Variants in POU2AF3 observed in about 807,000 individuals in gnomAD.
POU2AF3 encodes POU class 2 homeobox associating factor 3.
chr11:111,299,093 G>T, the POU2AF3 span: 1 of 976,882 alleles, frequency 1.0e-6, no homozygotes, highest in Non-Finnish European at 1.2e-6. Context: ...CGGCGCCTGG[G>T]CCCTGCGGGC....
chr11:111,305,024 C>G, the POU2AF3 span: 1 of 1,171,252 alleles, frequency 8.5e-7, no homozygotes, highest in Non-Finnish European at 1.1e-6. Context: ...AACACTCTTT[C>G]AAAAGTCCAT....
the POU2AF3 span, among the ~76,000 whole-genome samples, chr11:111,305,698 A>G: frequency 7.9e-5 from 12 of 152,174 alleles, no homozygotes; most frequent in African/African-American, 2.7e-4. Context: ...GGGCCTATTA[A>G]TAATAAAATG....
the POU2AF3 span, chr11:111,300,678 T>C: frequency 1.0e-6 from 1 of 954,300 alleles, no homozygotes; most frequent in Non-Finnish European, 1.4e-6. Flanking sequence ...TTCAAAGCTG[T>C]GTCTGCAAGG....
chr11:111,301,095 G>A, the POU2AF3 span, among the ~76,000 whole-genome samples: 1 of 152,126 alleles, frequency 6.6e-6, no homozygotes, highest in East Asian at 1.9e-4. Context: ...TCATTTATCT[G>A]TAAATCATCA....
chr11:111,306,734 A>C, the POU2AF3 span: 1 of 816,002 alleles, frequency 1.2e-6, no homozygotes, highest in Non-Finnish European at 1.9e-6. Flanking sequence ...TCAGCAAGGA[A>C]ATCATCCAAG....
At chr11:111,298,826 G>GCCGGGCGC in the POU2AF3 span, 1 of 790,962 alleles carries the variant, frequency 1.3e-6, no homozygotes, top group Non-Finnish European at 1.7e-6. Context: ...CGTACCCCAG[G>GCCGGGCGC]CCCCCGCCCG....
the POU2AF3 span, chr11:111,308,383 C>T: frequency 1.6e-5 from 25 of 1,551,468 alleles, no homozygotes; most frequent in Admixed American, 2.0e-5. Flanking sequence ...CCTCAGCAGC[C>T]GCCACCAGTG....
chr11:111,304,998 A>G, the POU2AF3 span: 1 of 1,229,080 alleles, frequency 8.1e-7, no homozygotes, highest in Non-Finnish European at 1.0e-6. Flanking sequence ...TACAGCCAGC[A>G]TTAACAGTTC....
chr11:111,299,331 C>T, the POU2AF3 span: 6 of 988,598 alleles, frequency 6.1e-6, no homozygotes, highest in Middle Eastern at 1.6e-3. Context: ...GATTCCTGGA[C>T]GCACACTGCA....
At chr11:111,304,831 AT>A in the POU2AF3 span, 1 of 653,204 alleles carries the variant, frequency 1.5e-6, no homozygotes, top group Non-Finnish European at 2.2e-6. Flanking sequence ...GGCTTACCTT[AT>A]AGCAGAAAGA....
the POU2AF3 span, among the ~76,000 whole-genome samples, chr11:111,301,118 A>G: frequency 6.6e-6 from 1 of 152,186 alleles, no homozygotes; most frequent in African/African-American, 2.4e-5. Context: ...TACCTAAAGT[A>G]TCTAGCAGAA....
chr11:111,304,192 A>G, the POU2AF3 span, among the ~76,000 whole-genome samples: 1 of 152,316 alleles, frequency 6.6e-6, no homozygotes, highest in Non-Finnish European at 1.5e-5. Context: ...ATTTTTAGCT[A>G]CTCAGAATTA....
the POU2AF3 span, among the ~76,000 whole-genome samples, chr11:111,303,247 GCACACACACAGA>G: frequency 1.4e-5 from 2 of 141,580 alleles, no homozygotes; most frequent in African/African-American, 4.9e-5. Context: ...GCGCATGCAC[GCACACACACAGA>G]CACACACACA....
chr11:111,305,118 G>A, the POU2AF3 span: 1 of 450,122 alleles, frequency 2.2e-6, no homozygotes, highest in Non-Finnish European at 3.7e-6. Flanking sequence ...AGGTGAAAAA[G>A]GCATAGTCAC....
the POU2AF3 span, chr11:111,298,555 C>A: frequency 8.0e-7 from 1 of 1,246,514 alleles, no homozygotes; most frequent in Non-Finnish European, 1.0e-6. Context: ...CAGCATCCAG[C>A]CACCGACCCA....
the POU2AF3 span, among the ~76,000 whole-genome samples, chr11:111,303,745 T>G: frequency 4.6e-5 from 7 of 152,354 alleles, no homozygotes; most frequent in South Asian, 8.3e-4. Context: ...GTTTCAGCAG[T>G]GGCTGCCTGC....
chr11:111,298,826 G>GCGGGGGGGGCC, the POU2AF3 span: 39 of 790,960 alleles, frequency 4.9e-5, no homozygotes, highest in South Asian at 6.7e-5. Flanking sequence ...CGTACCCCAG[G>GCGGGGGGGGCC]CCCCCGCCCG....
chr11:111,308,260 C>T, the POU2AF3 span: 31 of 1,551,696 alleles, frequency 2.0e-5, no homozygotes, highest in Non-Finnish European at 2.5e-5. Context: ...ACAGCTGCTT[C>T]TCCTCGGCCA....
the POU2AF3 span, chr11:111,304,919 C>T: frequency 1.2e-5 from 15 of 1,232,166 alleles, no homozygotes; most frequent in Non-Finnish European, 1.5e-5. Context: ...GATATTCTTG[C>T]TTTGACAGCG....
Sources: gnomAD v4.1 joint callset for allele counts (sites outside exome capture counted in the v4.1 genomes callset) on GRCh38, gnomAD v4.1.1 for gene constraint, MANE v1.5 for transcripts, NCBI Gene and HGNC (gene_info 2026-07-23, HGNC 2026-07-21) for gene names.